The following DLG2 variants were observed in gnomAD, a reference collection of about 807,000 sequenced individuals.
DLG2 encodes discs large MAGUK scaffold protein 2.
Under a neutral mutation model 132.5 loss-of-function variants are expected in DLG2, and 45 were observed. The ratio of observed to expected loss-of-function variants is 0.34; its 90% CI spans 0.27 to 0.44. The LOEUF is 0.44. DLG2 is among the 20% of genes least tolerant of loss of function. The probability of loss-of-function intolerance (pLI) is 1.00; values close to 1 mark genes in which losing one functional copy is unlikely to be tolerated. For missense variants in DLG2, 1,045 were observed against 1,196.9 expected (o/e 0.87, Z 1.87); for synonymous variants, 424 against 419.6 (o/e 1.01, Z -0.13).
chr11:83,704,506 T>G (rs935753175), intron 18 of DLG2, among the ~76,000 whole-genome samples: 1 of 151,528 alleles, frequency 6.6e-6, no homozygotes, highest in Non-Finnish European at 1.5e-5. Flanking sequence ...TTTCTGGTTT[T>G]TTCTTTTTTT....
At chr11:84,069,767 G>A (rs1430483936) in intron 10 of DLG2, among the ~76,000 whole-genome samples, 1 of 152,186 alleles carries the variant, frequency 6.6e-6, no homozygotes, top group Non-Finnish European at 1.5e-5. Flanking sequence ...ATCAGTGATT[G>A]GTCTTTTGGC....
At chr11:83,777,943 C>T (rs762423681) in intron 18 of DLG2, among the ~76,000 whole-genome samples, 2 of 152,164 alleles carry the variant, frequency 1.3e-5, no homozygotes, top group Admixed American at 1.3e-4. Flanking sequence ...AATTAACAAA[C>T]AATGGAATCC....
chr11:84,193,815 C>G (rs1281945521), intron 8 of DLG2, among the ~76,000 whole-genome samples: 2 of 152,154 alleles, frequency 1.3e-5, no homozygotes, highest in African/African-American at 4.8e-5. Context: ...CCTACTGAAG[C>G]TTGTACAACT....
chr11:84,398,238 C>T (rs2098817470), intron 7 of DLG2, among the ~76,000 whole-genome samples: 1 of 152,048 alleles, frequency 6.6e-6, no homozygotes, highest in Non-Finnish European at 1.5e-5. Context: ...GGAGTGCTGG[C>T]CAAGTGTTAT....
At chr11:83,550,580 T>G (rs2096366948) in intron 19 of DLG2, among the ~76,000 whole-genome samples, 1 of 152,162 alleles carries the variant, frequency 6.6e-6, no homozygotes, top group Non-Finnish European at 1.5e-5. Context: ...TGGACCACAG[T>G]GAATGGCATT....
chr11:84,809,473 A>G (rs1472221892), intron 6 of DLG2, among the ~76,000 whole-genome samples: 1 of 151,742 alleles, frequency 6.6e-6, no homozygotes, highest in Non-Finnish European at 1.5e-5. Context: ...AAGAAATAAG[A>G]CTGTTCCTAT....
At chr11:83,917,342 T>A (rs2154117420) in intron 15 of DLG2, among the ~76,000 whole-genome samples, 1 of 152,326 alleles carries the variant, frequency 6.6e-6, no homozygotes, top group East Asian at 1.9e-4. Flanking sequence ...GCTATGTACC[T>A]TGATTCTACT....
rs75725597 is a variant in DLG2, at chr11:85,512,768, G to A, written c.40+85889C>T. 5.5e-3 allele frequency among the ~76,000 whole-genome samples: 835 copies of A among 152,198 alleles called. 5 individuals carry two copies. Among genetic ancestry groups the A allele is most frequent in the Middle Eastern group, 0.01 (3 of 294 alleles). ...GGAATGTAAATTAGTTTAGTCCCTT[G>A]GAAAGCAGTGTGGAGATTTCTCAAA... On this transcript the variant is annotated intron_variant, in intron 3 of 27. Transcript: ENST00000376104.
intron 19 of DLG2, among the ~76,000 whole-genome samples, chr11:83,601,924 G>A (rs759838276): frequency 6.6e-6 from 1 of 152,104 alleles, no homozygotes; most frequent in Non-Finnish European, 1.5e-5. Context: ...AGACCAGAAC[G>A]AACCCTGCTT....
intron 6 of DLG2, among the ~76,000 whole-genome samples, chr11:84,943,350 C>A (rs980500506): frequency 1.3e-5 from 2 of 151,702 alleles, no homozygotes; most frequent in Admixed American, 6.6e-5. Context: ...GCCTTCCTGC[C>A]TGCCTTTCTG....
chr11:84,446,426 A>T (rs111426646), intron 7 of DLG2, among the ~76,000 whole-genome samples: 4 of 152,180 alleles, frequency 2.6e-5, no homozygotes, highest in African/African-American at 9.6e-5. Flanking sequence ...TTATTCTGAG[A>T]TTATCTTTAG....
chr11:84,493,573 G>A (rs546400057), intron 7 of DLG2, among the ~76,000 whole-genome samples: 2 of 152,118 alleles, frequency 1.3e-5, no homozygotes, highest in East Asian at 3.9e-4. Flanking sequence ...GACCCCTCAA[G>A]GTGTTCATCT....
At chr11:85,017,220 C>G (rs2059648851) in intron 6 of DLG2, among the ~76,000 whole-genome samples, 1 of 152,024 alleles carries the variant, frequency 6.6e-6, no homozygotes, top group Middle Eastern at 3.2e-3. Flanking sequence ...CAACTATGTT[C>G]TAGTCTAAAA....
At chr11:84,223,281 C>T (rs2096941375) in intron 8 of DLG2, among the ~76,000 whole-genome samples, 1 of 151,990 alleles carries the variant, frequency 6.6e-6, no homozygotes, top group Non-Finnish European at 1.5e-5. Flanking sequence ...ATGCTTTTGC[C>T]CTTGATAAGA....
intron 7 of DLG2, among the ~76,000 whole-genome samples, chr11:84,393,327 A>G (rs138881578): frequency 6.6e-6 from 1 of 152,334 alleles, no homozygotes; most frequent in East Asian, 1.9e-4. Context: ...TAAAACATAT[A>G]TAGAAGAGTA....
chr11:85,074,058 A>C (rs771536453), intron 6 of DLG2, among the ~76,000 whole-genome samples: 1 of 151,866 alleles, frequency 6.6e-6, no homozygotes, highest in African/African-American at 2.4e-5. Context: ...ATATGGACAC[A>C]ATGCAAAGAA....
chr11:84,385,078 A>T (rs2098764080), intron 7 of DLG2, among the ~76,000 whole-genome samples: 1 of 152,032 alleles, frequency 6.6e-6, no homozygotes, highest in Admixed American at 6.6e-5. Context: ...TTTGCCTCTG[A>T]CCTCAAAATT....
At position 84,971,789 on chromosome 11, in the gene DLG2, A is replaced by AT. The variant is rs923688874; in HGVS notation, c.357+139871dup. Reference sequence around the variant, plus strand: ...TATATATTATAATTTCCACTGTTAAATTTTTTTCTGTTGTACTGAATAAAT... The same window carrying AT: ...TATATATTATAATTTCCACTGTTAAATTTTTTTTCTGTTGTACTGAATAAAT... On this transcript the variant is annotated intron_variant, in intron 6 of 27. Coordinates refer to ENST00000376104, the MANE Select transcript of DLG2 (RefSeq NM_001142699.3). 2.6e-5 allele frequency among the ~76,000 whole-genome samples: 4 copies of AT among 152,188 alleles called. No individual in the cohort carries two copies. The East Asian group carries it at 5.8e-4, about 22-fold the overall frequency.
At chr11:84,817,534 A>G (rs540193972) in intron 6 of DLG2, among the ~76,000 whole-genome samples, 2 of 152,080 alleles carry the variant, frequency 1.3e-5, no homozygotes, top group East Asian at 3.9e-4. Flanking sequence ...AACATCTATA[A>G]AACTCTCTTG....
Sources: gnomAD v4.1 joint callset for allele counts (sites outside exome capture counted in the v4.1 genomes callset) on GRCh38, gnomAD v4.1.1 for gene constraint, MANE v1.5 for transcripts, NCBI Gene and HGNC (gene_info 2026-07-23, HGNC 2026-07-21) for gene names.